The following SLC12A6 variants were observed in gnomAD, a reference collection of about 807,000 sequenced individuals.
The protein encoded by SLC12A6 is solute carrier family 12 member 6.
SLC12A6 carries 66 observed loss-of-function variants against 135.3 expected under a neutral mutation model. The observed-to-expected ratio is 0.49, with a 90% CI of 0.40 to 0.60. The LOEUF is 0.60. Among genes scored for constraint, SLC12A6 ranks in the 20% least tolerant of loss-of-function variants. The pLI is 0.00. For missense variants in SLC12A6, 1,058 were observed against 1,452.3 expected (o/e 0.73, Z 4.41); for synonymous variants, 513 against 508.8 (o/e 1.01, Z -0.11).
intron 9 of SLC12A6, among the ~76,000 whole-genome samples, chr15:34,253,097 C>A (rs1892508852): frequency 6.6e-6 from 1 of 152,102 alleles, no homozygotes; most frequent in South Asian, 2.1e-4. Context: ...CAAATATAAA[C>A]AAAGGAATAA....
chr15:34,268,982 G>A (rs974432200), intron 3 of SLC12A6, among the ~76,000 whole-genome samples: 4 of 151,554 alleles, frequency 2.6e-5, no homozygotes, highest in East Asian at 1.9e-4. Flanking sequence ...TCAGCCTCCC[G>A]AGTAGCTGGA....
In SLC12A6 at chr15:34,229,929, G is replaced by T; in HGVS notation, c.*3952C>A. ...AAGACTCTTTTCTCCATGGTGGGGT[G>T]ACAGGTCCTAGAAGGACAATGTGCA... On this transcript the variant is annotated 3_prime_UTR_variant, in exon 26 of 26. Coordinates refer to ENST00000354181, the MANE Select transcript of SLC12A6 (RefSeq NM_001365088.1). The T allele has an allele frequency of 1.3e-6, 1 of 781,768 alleles. No homozygotes were observed. The highest frequency in any genetic ancestry group is 1.5e-5 in the South Asian group (1 of 68,542). The allele number at this position is 781,768 out of a possible 1,614,324, so 48.4% of individuals were successfully genotyped here.
chr15:34,245,368 G>A lies in SLC12A6; in HGVS notation c.1860C>T (p.Thr620=). 6.2e-7 allele frequency: 1 copy of A among 1,613,006 alleles called. No homozygotes were observed. Among genetic ancestry groups the A allele is most frequent in the Non-Finnish European group, 8.5e-7 (1 of 1,178,960 alleles). The change falls in exon 15 of 26, where the codon ACC becomes ACT. Residue 620 remains threonine (T), a synonymous_variant. Coordinates refer to ENST00000354181, the MANE Select transcript of SLC12A6 (RefSeq NM_001365088.1). The part of the protein sequence containing the change: ...FGHSKANGEP[T]WALLLTAAIA... ...TGGCAGCAGTTAGAAGTAAAGCCCA[G>A]GTAGGTTCCCCATTGGCTTTGCTGT...
intron 2 of SLC12A6, among the ~76,000 whole-genome samples, chr15:34,321,172 G>A (rs1889064611): frequency 6.6e-6 from 1 of 152,166 alleles, no homozygotes; most frequent in Non-Finnish European, 1.5e-5. Flanking sequence ...CATAGAGTAT[G>A]TTTCAAAGAA....
chr15:34,289,770 G>A (rs185639382), intron 2 of SLC12A6, among the ~76,000 whole-genome samples: 33 of 152,232 alleles, frequency 2.2e-4, no homozygotes, highest in Admixed American at 5.9e-4. Context: ...TTTACATAGA[G>A]GTGTTTATAG....
intron 2 of SLC12A6, among the ~76,000 whole-genome samples, chr15:34,329,533 G>C (rs142431168): frequency 1.2e-3 from 175 of 151,978 alleles, no homozygotes; most frequent in African/African-American, 3.9e-3. Context: ...CTGGAATCTA[G>C]AAACATGCCA....
chr15:34,248,110 A>T lies in SLC12A6; in HGVS notation c.1649+2188T>A, dbSNP rs551255509. Among the ~76,000 whole-genome samples the T allele has an allele frequency of 1.2e-4, 18 of 152,190 alleles. No individual in the cohort carries two copies. The East Asian group carries it at 3.3e-3, about 28-fold the overall frequency. ...TTTCTTCACTTAGCATTGCTTGTGAATTTTTTTGGGGGGAGGTGTATATTG... is the reference window on the plus strand; with the variant it reads ...TTTCTTCACTTAGCATTGCTTGTGATTTTTTTTGGGGGGAGGTGTATATTG... On this transcript the variant is annotated intron_variant, in intron 13 of 25. Transcript: ENST00000354181.
rs1891057950 is a variant in SLC12A6, at chr15:34,233,362, ATAC to A, written c.*516_*518del. 6.1e-6 allele frequency: 1 copy of A among 162,982 alleles called. No individual in the cohort carries two copies. The highest frequency in any genetic ancestry group is 1.6e-4 in the South Asian group (1 of 6,310). 10.1% of individuals were successfully genotyped at this position (162,982 alleles called of 1,614,324 possible). A position where few individuals can be genotyped will look rare whatever the true frequency, so the allele number is the denominator to read the frequency against. ...CTAATATAAAATTACAGCAGTGGGT[ATAC>A]TAAAGAAATATAGCTAAAAAATGTT... On this transcript the variant is annotated 3_prime_UTR_variant, in exon 26 of 26. Coordinates refer to ENST00000354181, the MANE Select transcript of SLC12A6 (RefSeq NM_001365088.1).
Position 34,260,366 on chromosome 15 carries a change from C to G in SLC12A6, c.411+560G>C, listed in dbSNP as rs1595450922. On this transcript the variant is annotated intron_variant, in intron 4 of 25. Coordinates refer to ENST00000354181, the MANE Select transcript of SLC12A6 (RefSeq NM_001365088.1). ...CTCTGCCTCCCGGGTGCATGCCATT[C>G]TCCTGCCTCAGCCTCCCGAGTAGCT... Among the ~76,000 whole-genome samples, 3 of 152,316 alleles carry G rather than the reference C, an allele frequency of 2.0e-5. No homozygotes were observed. The East Asian group carries it at 5.8e-4, about 29-fold the overall frequency.
intron 2 of SLC12A6, among the ~76,000 whole-genome samples, chr15:34,325,470 A>G (rs892761454): frequency 1.3e-5 from 2 of 152,184 alleles, no homozygotes; most frequent in Non-Finnish European, 1.5e-5. Flanking sequence ...ATGAAAATGC[A>G]TTTTTATGAA....
At position 34,336,558 on chromosome 15, in the gene SLC12A6, G is replaced by A. The variant is rs769435177; in HGVS notation, c.123C>T (p.Ser41=). Residue 41 remains serine, a synonymous_variant, in exon 2 of 26, where the codon TCC becomes TCT. Transcript: ENST00000354181. ...TTTCCCGGGAGCTAAATCTTACTCG[G>A]GAACTAGATCGAGAGCTGAGGTCCG... is the stretch of plus-strand genomic sequence containing the variant. ...TSPDLSSRSS[S]RVRFSSRESV... 12 of 1,613,894 alleles carry A rather than the reference G, an allele frequency of 7.4e-6. No homozygotes were observed. The highest frequency in any genetic ancestry group is 1.1e-5 in the South Asian group (1 of 91,078).
At position 34,330,315 on chromosome 15, in the gene SLC12A6, T is replaced by C. The variant is rs117927191; in HGVS notation, c.271+6095A>G. On this transcript the variant is annotated intron_variant, in intron 2 of 25. Transcript: ENST00000354181. Reference sequence around the variant, plus strand: ...ATTTGGCTGATTGCTTCTTGTGGTATAAAGCAGTATATTATAAAGTTTAAT... The same window carrying C: ...ATTTGGCTGATTGCTTCTTGTGGTACAAAGCAGTATATTATAAAGTTTAAT... Among the ~76,000 whole-genome samples the C allele has an allele frequency of 7.4e-3, 1,127 of 152,322 alleles. 5 individuals carry two copies. The highest frequency in any genetic ancestry group is 0.012 in the Non-Finnish European group (789 of 68,030).
intron 2 of SLC12A6, among the ~76,000 whole-genome samples, chr15:34,302,836 G>C (rs544251844): frequency 4.0e-5 from 6 of 151,864 alleles, no homozygotes; most frequent in Non-Finnish European, 8.8e-5. Flanking sequence ...TATAGTCCCA[G>C]CTACTTGGGA....
intron 2 of SLC12A6, among the ~76,000 whole-genome samples, chr15:34,283,669 T>C (rs1046698555): frequency 2.6e-5 from 4 of 151,858 alleles, no homozygotes; most frequent in Non-Finnish European, 5.9e-5. Flanking sequence ...GTAAATTAGG[T>C]AGGCACTACA....
intron 2 of SLC12A6, among the ~76,000 whole-genome samples, chr15:34,315,964 CA>C (rs1305049135): frequency 1.3e-5 from 2 of 151,914 alleles, no homozygotes; most frequent in African/African-American, 4.8e-5. Flanking sequence ...ACAAAAAAAA[CA>C]ACAATTCATG....
rs1446276942 is a variant in SLC12A6 at position 34,241,271 on chromosome 15, A to G, written c.2229T>C (p.Leu743=). ...TGTGTGGAGGTCCTTCCTCCAATCG[A>G]AGCAAAGCAAACCGGGCTGCACTGA... ...LSLSAARFAL[L]RLEEGPPHTK... Residue 743 remains leucine, a synonymous_variant, in exon 18 of 26, where the codon CTT becomes CTC. Transcript: ENST00000354181. 2 of 1,610,368 alleles carry G rather than the reference A, an allele frequency of 1.2e-6. No homozygotes were observed. Among genetic ancestry groups the G allele is most frequent in the South Asian group, 2.2e-5 (2 of 91,010 alleles).
intron 2 of SLC12A6, among the ~76,000 whole-genome samples, chr15:34,304,800 T>C (rs1896489998): frequency 6.6e-6 from 1 of 152,194 alleles, no homozygotes; most frequent in South Asian, 2.1e-4. Context: ...ATCCTTTGGT[T>C]AAAAACCTTA....
At chr15:34,262,029 A>C (rs1270635679) in intron 3 of SLC12A6, among the ~76,000 whole-genome samples, 1 of 152,212 alleles carries the variant, frequency 6.6e-6, no homozygotes, top group Non-Finnish European at 1.5e-5. Flanking sequence ...AAATCATTCT[A>C]CCAAAAAGAC....
At position 34,322,088 on chromosome 15, in the gene SLC12A6, T is replaced by C. The variant is rs7181935; in HGVS notation, c.271+14322A>G. On this transcript the variant is annotated intron_variant, in intron 2 of 25. Transcript: ENST00000354181. ...TTATCAAAACTCTGCCAATGTTCAC[T>C]TAAAACTCGTGCCTTTGCCGGGCGT... Among the ~76,000 whole-genome samples, 622 of 152,324 alleles carry C rather than the reference T, an allele frequency of 4.1e-3. 9 individuals are homozygous for C. The highest frequency in any genetic ancestry group is 0.014 in the African/African-American group (592 of 41,572).
Sources: allele counts gnomAD v4.1 joint callset (sites outside exome capture counted in the v4.1 genomes callset), GRCh38; gene constraint gnomAD v4.1.1; transcripts MANE v1.5; gene names NCBI Gene and HGNC (gene_info 2026-07-23, HGNC 2026-07-21).